ACOT11: variants seen among roughly 807,000 people sequenced by gnomAD.
The protein encoded by ACOT11 is acyl-CoA thioesterase 11.
In ACOT11, 69 loss-of-function variants were observed where a neutral mutation model predicts 77.5. That is an observed-to-expected ratio of 0.89 (90% confidence interval 0.73 to 1.09). ACOT11 has a LOEUF of 1.09. Among genes scored for constraint, ACOT11 ranks in the 50% least tolerant of loss-of-function variants. The pLI is 0.00. For synonymous variants in ACOT11, 279 were observed against 313.0 expected, an observed-to-expected ratio of 0.89 and a Z score of 1.15; for missense variants, 766 against 813.7, an observed-to-expected ratio of 0.94 and a Z score of 0.71.
intron 9 of ACOT11, 38 bp downstream of exon 9, chr1:54,601,451 C>T (rs377254460): frequency 6.9e-6 from 11 of 1,596,404 alleles, no homozygotes; most frequent in African/African-American, 6.7e-5. Context: ...CAGCAGCTCC[C>T]CTCCCCTCCC....
chr1:54,562,924 TG>T (rs1241355779), intron 1 of ACOT11, among the ~76,000 whole-genome samples: 1 of 125,258 alleles, frequency 8.0e-6, no homozygotes, highest in Non-Finnish European at 1.7e-5. Context: ...CTTTCCAGAG[TG>T]GGCAGCCAGG....
chr1:54,561,307 A>G (rs1264313038), intron 1 of ACOT11, among the ~76,000 whole-genome samples: 1 of 94,372 alleles, frequency 1.1e-5, no homozygotes, highest in Admixed American at 1.2e-4. Context: ...GATGACTCTT[A>G]ACGAGCATGC....
At position 54,602,672 on chromosome 1, in the gene ACOT11, G is replaced by A; in HGVS notation, c.1033G>A (p.Gly345Ser). The A allele has an allele frequency of 1.3e-6, 2 of 1,548,240 alleles. No homozygotes were observed. The highest frequency in any genetic ancestry group is 1.7e-6 in the Non-Finnish European group (2 of 1,148,338). Residue 345 changes from glycine to serine, a missense_variant, in exon 10 of 16, where the codon GGT (glycine) becomes AGT (serine). Physicochemically the swap from Gly to Ser is moderately conservative, Grantham distance 56. Coordinates refer to ENST00000343744, the MANE Select transcript of ACOT11 (RefSeq NM_147161.4). ...LPWIRPQPGD[G>S]ERRYREASAR... The stretch of plus-strand genomic sequence containing the variant: ...CCTATCCCGACTTCCTCCCCAGGAT[G>A]GTGAGCGGCGGTACCGAGAGGCCAG...
chr1:54,567,910 G>T (rs779068653), intron 1 of ACOT11, among the ~76,000 whole-genome samples: 8 of 152,082 alleles, frequency 5.3e-5, no homozygotes, highest in Non-Finnish European at 1.0e-4. Flanking sequence ...ATCTTACAAC[G>T]CAGGCCAGAC....
intron 1 of ACOT11, among the ~76,000 whole-genome samples, chr1:54,559,021 A>T (rs938681709): frequency 6.6e-6 from 1 of 152,116 alleles, no homozygotes; most frequent in South Asian, 2.1e-4. Context: ...CTGACTCCTC[A>T]CAACAGGGAG....
intron 1 of ACOT11, among the ~76,000 whole-genome samples, chr1:54,553,073 C>T (rs931953098): frequency 8.3e-5 from 12 of 144,508 alleles, no homozygotes; most frequent in African/African-American, 2.6e-4. Context: ...GTGAGCCACC[C>T]GCCTAGGCCT....
intron 15 of ACOT11, among the ~76,000 whole-genome samples, chr1:54,608,406 GC>G (rs1644059495): frequency 6.6e-6 from 1 of 152,116 alleles, no homozygotes; most frequent in Non-Finnish European, 1.5e-5. Flanking sequence ...ATAAAACCCA[GC>G]AGCGCAGTCC....
chr1:54,569,075 C>T (rs1653841147), intron 1 of ACOT11, among the ~76,000 whole-genome samples: 1 of 149,850 alleles, frequency 6.7e-6, no homozygotes, highest in African/African-American at 2.5e-5. Context: ...TAAGCCACTG[C>T]ATTCCAGCCT....
downstream of ACOT11, chr1:54,610,525 G>GT: frequency 6.2e-7 from 1 of 1,613,302 alleles, no homozygotes. Context: ...GCTGCCTCCC[G>GT]TGTAGTACAT....
Position 54,604,438 on chromosome 1 carries a change from CCCCA to C in ACOT11, c.1236+18_1236+21del. 2 of 1,613,468 alleles carry C rather than the reference CCCCA, an allele frequency of 1.2e-6. No homozygotes were observed. ...CCTCGGAGATCAGTCAGGTAGCTGA[CCCCA>C]CCCACCCAATTTTCCTTTCTCATCT... On this transcript the variant is annotated intron_variant, in intron 12 of 15. Transcript: ENST00000343744.
rs1444952252 is a variant in ACOT11, at chr1:54,621,696, T to TGGAGGGCTGGAGGGC, written c.1630-9037_1630-9023dup. The stretch of plus-strand genomic sequence containing the variant: ...TTCGAAGCTTCTCACAGGGCAGGGC[T>TGGAGGGCTGGAGGGC]GGAGGGCTGGAGGGCAGAGGGCAGA... On this transcript the variant is annotated intron_variant, in intron 15 of 16. Coordinates refer to the ACOT11 transcript ENST00000371316. 5 of 152,562 alleles carry TGGAGGGCTGGAGGGC rather than the reference T, an allele frequency of 3.3e-5. No individual in the cohort carries two copies. In the East Asian group the frequency reaches 9.7e-4, roughly 29 times the overall value. The allele number at this position is 152,562 out of a possible 1,614,324, so 9.5% of individuals were successfully genotyped here. A position where few individuals can be genotyped will look rare whatever the true frequency, so the allele number is the denominator to read the frequency against.
intron 1 of ACOT11, among the ~76,000 whole-genome samples, chr1:54,554,290 A>AGTGTGT (rs67577349): frequency 0.028 from 3,022 of 108,074 alleles, 54 homozygotes; most frequent in East Asian, 0.053. Flanking sequence ...AGTATTCCAT[A>AGTGTGT]GTGTGTGTGT....
downstream of ACOT11, among the ~76,000 whole-genome samples, chr1:54,612,228 G>A (rs1191861102): frequency 3.3e-5 from 5 of 151,846 alleles, no homozygotes; most frequent in Admixed American, 2.0e-4. Flanking sequence ...GAAGCTGTGG[G>A]GAGACAAATT....
chr1:54,560,343 G>T (rs763254102), intron 1 of ACOT11, among the ~76,000 whole-genome samples: 1 of 152,104 alleles, frequency 6.6e-6, no homozygotes, highest in Non-Finnish European at 1.5e-5. Context: ...CCAGGCAGAG[G>T]CACCTGTATG....
At chr1:54,608,550 C>T (rs1035535762) in intron 15 of ACOT11, among the ~76,000 whole-genome samples, 2 of 152,114 alleles carry the variant, frequency 1.3e-5, no homozygotes, top group Non-Finnish European at 2.9e-5. Context: ...GAGACTCAGC[C>T]GGTGTTTGCT....
chr1:54,600,895 C>T (rs1643953250), intron 8 of ACOT11, among the ~76,000 whole-genome samples: 1 of 152,076 alleles, frequency 6.6e-6, no homozygotes, highest in South Asian at 2.1e-4. Context: ...TGTTGGTTGC[C>T]TCCTCCCCTG....
chr1:54,573,343 T>G, intron 1 of ACOT11: 1 of 599,208 alleles, frequency 1.7e-6, no homozygotes, highest in South Asian at 7.4e-5. Flanking sequence ...GCAAGTTACC[T>G]TTTCTGAGAC....
chr1:54,602,573 G>A (rs757719402), intron 9 of ACOT11, 96 bp from the exon 10 acceptor site: 268 of 1,236,574 alleles, frequency 2.2e-4, no homozygotes, highest in Non-Finnish European at 2.7e-4. Context: ...TGAACTCCAC[G>A]TTAGGGCTGC....
chr1:54,611,776 T>C (rs776213958), downstream of ACOT11: 4 of 1,612,790 alleles, frequency 2.5e-6, no homozygotes, highest in Non-Finnish European at 3.4e-6. Context: ...TCAGTGCCTG[T>C]CTGGGCCCAG....
Sources: gnomAD v4.1 joint callset for allele counts (sites outside exome capture counted in the v4.1 genomes callset) on GRCh38, gnomAD v4.1.1 for gene constraint, MANE v1.5 for transcripts, NCBI Gene and HGNC (gene_info 2026-07-23, HGNC 2026-07-21) for gene names.